The following LAMA2 variants were observed in gnomAD, a reference collection of about 807,000 sequenced individuals.
The protein encoded by LAMA2 is laminin subunit alpha-2.
LAMA2 carries 269 observed loss-of-function variants against 364.8 expected under a neutral mutation model. The observed-to-expected ratio is 0.74, with a 90% confidence interval of 0.67 to 0.82. The LOEUF (loss-of-function observed/expected upper bound fraction) is 0.82, where lower values mean the gene tolerates loss of function less well. LAMA2 is among the 40% of genes least tolerant of loss of function. The pLI is 0.00. For synonymous variants in LAMA2, 1,379 were observed against 1,370.6 expected, an observed-to-expected ratio of 1.01 and a Z score of -0.14; for missense variants, 3,807 against 3,873.2, an observed-to-expected ratio of 0.98 and a Z score of 0.45.
At position 129,251,881 on chromosome 6, in the gene LAMA2, G is replaced by C. The variant is rs375461962; in HGVS notation, c.1885-203G>C. On this transcript the variant is annotated intron_variant, in intron 13 of 64. Transcript: ENST00000421865. Reference sequence around the variant, plus strand: ...ACCTGGGAGGCACAGGTGGCAGCGAGCCGAGATCGCGCCGTTGCACTCCAG... The same window carrying C: ...ACCTGGGAGGCACAGGTGGCAGCGACCCGAGATCGCGCCGTTGCACTCCAG... Among the ~76,000 whole-genome samples the C allele has an allele frequency of 5.1e-4, 78 of 152,262 alleles. 1 individual carries two copies. In the South Asian group the frequency reaches 0.016, roughly 30 times the overall value.
At chr6:129,298,935 A>C (rs1283469081) in intron 21 of LAMA2, among the ~76,000 whole-genome samples, 1 of 152,158 alleles carries the variant, frequency 6.6e-6, no homozygotes, top group Non-Finnish European at 1.5e-5. Flanking sequence ...AAAAATTATA[A>C]AGCTGTATTT....
chr6:129,262,194 A>C (rs1002955453), intron 15 of LAMA2, among the ~76,000 whole-genome samples: 2 of 152,138 alleles, frequency 1.3e-5, no homozygotes, highest in African/African-American at 4.8e-5. Context: ...AAATATTTTC[A>C]ATACATTCTA....
At chr6:129,499,038 A>G (rs902439271) in intron 58 of LAMA2, among the ~76,000 whole-genome samples, 1 of 152,168 alleles carries the variant, frequency 6.6e-6, no homozygotes. Context: ...TCCCAACCAC[A>G]TCACTGCTCT....
At chr6:129,347,934 T>C (rs577385938) in intron 30 of LAMA2, among the ~76,000 whole-genome samples, 2 of 152,366 alleles carry the variant, frequency 1.3e-5, no homozygotes, top group South Asian at 4.1e-4. Context: ...TTCATTATTT[T>C]ACTATAACGA....
chr6:129,411,583 T>C (rs1484279908), intron 40 of LAMA2, among the ~76,000 whole-genome samples: 1 of 152,160 alleles, frequency 6.6e-6, no homozygotes, highest in Non-Finnish European at 1.5e-5. Context: ...CATAGAAACC[T>C]CAAAAAGAGC....
At chr6:129,346,436 G>A (rs1032786648) in intron 30 of LAMA2, among the ~76,000 whole-genome samples, 2 of 152,066 alleles carry the variant, frequency 1.3e-5, no homozygotes, top group South Asian at 2.1e-4. Flanking sequence ...TATATACAAC[G>A]AACACATTTT....
At chr6:128,944,608 C>G (rs1393277596) in intron 1 of LAMA2, among the ~76,000 whole-genome samples, 6 of 147,430 alleles carry the variant, frequency 4.1e-5, no homozygotes, top group African/African-American at 1.5e-4. Context: ...GCCTGGCCAA[C>G]ATGGTGAAAC....
At chr6:128,948,926 C>A (rs1038518828) in intron 1 of LAMA2, among the ~76,000 whole-genome samples, 1 of 152,118 alleles carries the variant, frequency 6.6e-6, no homozygotes. Flanking sequence ...AATTAAATAT[C>A]TTTTCTTTAT....
intron 1 of LAMA2, among the ~76,000 whole-genome samples, chr6:128,935,229 C>A (rs1469017419): frequency 6.6e-6 from 1 of 150,376 alleles, no homozygotes; most frequent in African/African-American, 2.5e-5. Flanking sequence ...ACACCCCCCC[C>A]AACAGACCCC....
intron 22 of LAMA2, among the ~76,000 whole-genome samples, chr6:129,310,609 G>A (rs184665070): frequency 6.6e-6 from 1 of 152,150 alleles, no homozygotes; most frequent in Admixed American, 6.5e-5. Context: ...AAACTACACT[G>A]GTTTTTTAAA....
intron 40 of LAMA2, among the ~76,000 whole-genome samples, chr6:129,409,476 G>A (rs1057012119): frequency 2.8e-4 from 42 of 152,242 alleles, no homozygotes; most frequent in African/African-American, 9.6e-4. Context: ...GAAGGCTGCT[G>A]TGTATGCCCA....
chr6:129,321,201 G>A (rs183641417), intron 28 of LAMA2, among the ~76,000 whole-genome samples: 2 of 152,080 alleles, frequency 1.3e-5, no homozygotes, highest in African/African-American at 4.8e-5. Context: ...AACTTGCTGA[G>A]ATATTCTCTT....
intron 1 of LAMA2, among the ~76,000 whole-genome samples, chr6:128,987,404 C>T (rs893710865): frequency 1.3e-5 from 2 of 152,016 alleles, no homozygotes; most frequent in Non-Finnish European, 2.9e-5. Context: ...GCCTCCCAAA[C>T]TGCTGGGATT....
At chr6:129,445,422 G>T (rs1287377862) in intron 44 of LAMA2, among the ~76,000 whole-genome samples, 1 of 152,104 alleles carries the variant, frequency 6.6e-6, no homozygotes, top group Non-Finnish European at 1.5e-5. Context: ...TACCTTCAAT[G>T]CTAATTTTTA....
chr6:129,081,619 T>A (rs1321716787), intron 3 of LAMA2, among the ~76,000 whole-genome samples: 1 of 152,216 alleles, frequency 6.6e-6, no homozygotes, highest in Admixed American at 6.5e-5. Context: ...AGAAAGATTA[T>A]CATTGGTCCA....
intron 1 of LAMA2, among the ~76,000 whole-genome samples, chr6:128,964,140 G>T (rs919997695): frequency 1.3e-5 from 2 of 151,980 alleles, no homozygotes; most frequent in Non-Finnish European, 2.9e-5. Flanking sequence ...GACTGAAATG[G>T]TATCAAGTGA....
chr6:129,368,320 T>C (rs1777887979), intron 33 of LAMA2, among the ~76,000 whole-genome samples: 1 of 152,146 alleles, frequency 6.6e-6, no homozygotes. Flanking sequence ...GCAGAGGCAG[T>C]GGTGTGAATT....
chr6:129,406,170 T>C (rs1780239268), intron 40 of LAMA2, among the ~76,000 whole-genome samples: 1 of 152,166 alleles, frequency 6.6e-6, no homozygotes, highest in Non-Finnish European at 1.5e-5. Context: ...AAATCAACTT[T>C]GATTTTTTAA....
intron 1 of LAMA2, among the ~76,000 whole-genome samples, chr6:128,894,442 T>G (rs1408284132): frequency 1.3e-5 from 2 of 152,198 alleles, no homozygotes; most frequent in African/African-American, 2.4e-5. Context: ...TATTGACAAA[T>G]TTTGTTATTT....
Sources: gnomAD v4.1 joint callset for allele counts (sites outside exome capture counted in the v4.1 genomes callset) on GRCh38, gnomAD v4.1.1 for gene constraint, MANE v1.5 for transcripts, NCBI Gene and HGNC (gene_info 2026-07-23, HGNC 2026-07-21) for gene names.